The following ZER1 variants were observed in gnomAD, a reference collection of about 807,000 sequenced individuals.
ZER1 encodes the protein zyg-11 related cell cycle regulator.
ZER1 carries 11 observed loss-of-function variants against 78.8 expected under a neutral mutation model. The ratio of observed to expected loss-of-function variants is 0.14; its 90% confidence interval spans 0.09 to 0.23. The LOEUF is 0.23. Among genes scored for constraint, ZER1 ranks in the 10% least tolerant of loss-of-function variants. The pLI is 1.00. For synonymous variants in ZER1, 400 were observed against 407.0 expected, an observed-to-expected ratio of 0.98 and a Z score of 0.21; for missense variants, 588 against 996.9, an observed-to-expected ratio of 0.59 and a Z score of 5.52.
At chr9:128,734,509 T>A (rs1862992730) in intron 14 of ZER1, among the ~76,000 whole-genome samples, 1 of 151,728 alleles carries the variant, frequency 6.6e-6, no homozygotes. Flanking sequence ...ATTTTTTTTT[T>A]TTTAAGTAGA....
chr9:128,752,892 G>A (rs1275585461), intron 4 of ZER1, 43 bp from the exon 5 acceptor site: 3 of 1,582,078 alleles, frequency 1.9e-6, no homozygotes, highest in Non-Finnish European at 2.6e-6. Flanking sequence ...GCTGGGTACA[G>A]GGTGGGGCTG....
At chr9:128,769,275 C>A (rs973448745) in intron 1 of ZER1, among the ~76,000 whole-genome samples, 1 of 152,218 alleles carries the variant, frequency 6.6e-6, no homozygotes, top group Non-Finnish European at 1.5e-5. Flanking sequence ...ACATACATGC[C>A]CACATTCCTC....
chr9:128,736,458 A>G (rs965167113), intron 13 of ZER1, among the ~76,000 whole-genome samples: 6 of 149,476 alleles, frequency 4.0e-5, no homozygotes, highest in South Asian at 2.1e-4. Context: ...CAGTGGTGCA[A>G]TCTCGGCTCA....
chr9:128,746,229 A>G (rs978950580), intron 8 of ZER1: 2 of 152,212 alleles, frequency 1.3e-5, no homozygotes, highest in Non-Finnish European at 2.9e-5. Flanking sequence ...AGATAGATGC[A>G]TTTAGAATTT....
chr9:128,733,673 G>A, intron 14 of ZER1, 145 bp from the exon 15 acceptor site: 1 of 653,814 alleles, frequency 1.5e-6, no homozygotes, highest in South Asian at 2.1e-5. Context: ...TAGAAATGGG[G>A]GCAAGACGTG....
intron 14 of ZER1, among the ~76,000 whole-genome samples, chr9:128,733,955 C>A (rs1442373530): frequency 7.7e-6 from 1 of 130,556 alleles, no homozygotes; most frequent in East Asian, 2.3e-4. Flanking sequence ...CGGTGAAACC[C>A]CGTCTCTACT....
Position 128,740,263 on chromosome 9 carries a change from T to A in ZER1, c.1854-144A>T. 1 of 832,530 alleles carries A rather than the reference T, an allele frequency of 1.2e-6. No individual in the cohort carries two copies. The highest frequency in any genetic ancestry group is 1.9e-6 in the Non-Finnish European group (1 of 540,226). 51.6% of individuals were successfully genotyped at this position (832,530 alleles called of 1,614,324 possible). ...ATCGTCTATATACCCAGACTACTTCTAAAGGGATTTGAGGTCATTTAAGAT... is the reference window on the plus strand; with the variant it reads ...ATCGTCTATATACCCAGACTACTTCAAAAGGGATTTGAGGTCATTTAAGAT... On this transcript the variant is annotated intron_variant, in intron 12 of 15. Transcript: ENST00000291900. The surrounding 1 kb of genome is among the most constrained non-coding windows in gnomAD (Gnocchi z 4.4).
chr9:128,746,340 T>C (rs571231826), intron 8 of ZER1, among the ~76,000 whole-genome samples: 11 of 152,290 alleles, frequency 7.2e-5, no homozygotes, highest in African/African-American at 2.6e-4. Context: ...CAACACTGGG[T>C]ATCACCAAGC....
intron 1 of ZER1, among the ~76,000 whole-genome samples, chr9:128,761,241 C>A (rs560907402): frequency 1.3e-5 from 2 of 151,886 alleles, no homozygotes; most frequent in Admixed American, 1.3e-4. Context: ...TGAAGAAATG[C>A]TTAGTCCCAG....
Position 128,741,805 on chromosome 9 carries a change from T to C in ZER1, c.1612A>G (p.Lys538Glu). ...TTCGTGAAGACTTGACTTACTGTCT[T>C]GTCCAGCAGCTTCTTCTGAATCAGC... is the stretch of plus-strand genomic sequence containing the variant. ...LKLIQKKLLD[K>E]TCDQVMEFSW... The change falls in exon 10 of 16, where the codon AAG becomes GAG. Residue 538 changes from lysine (K) to glutamate (E), a missense_variant. Lys to Glu is a moderately conservative substitution (Grantham distance 56). Coordinates refer to ENST00000291900, the MANE Select transcript of ZER1 (RefSeq NM_006336.4). 1.9e-6 allele frequency: 3 copies of C among 1,614,184 alleles called. No homozygotes were observed. Among genetic ancestry groups the C allele is most frequent in the Non-Finnish European group, 1.7e-6 (2 of 1,180,024 alleles).
In ZER1 at chr9:128,740,621, G is replaced by A. The variant is rs922669890; in HGVS notation, c.1853+151C>T. The A allele has an allele frequency of 7.2e-6, 4 of 555,066 alleles. No individual in the cohort carries two copies. The highest frequency in any genetic ancestry group is 2.5e-5 in the South Asian group (1 of 39,794). 34.4% of individuals were successfully genotyped at this position (555,066 alleles called of 1,614,324 possible). ...ATATAATTACAAAAGGACCACTTAC[G>A]AAGGATTGAATGAATAAGAAACCAC... On this transcript the variant is annotated intron_variant, in intron 12 of 15. Coordinates refer to ENST00000291900, the MANE Select transcript of ZER1 (RefSeq NM_006336.4). This position sits in a 1 kb window ranked among gnomAD's most constrained non-coding sequence, Gnocchi z 4.4.
intron 14 of ZER1, 74 bp downstream of exon 14, chr9:128,735,260 G>T: frequency 7.3e-7 from 1 of 1,362,708 alleles, no homozygotes; most frequent in Non-Finnish European, 1.0e-6. Flanking sequence ...CCCCCTCCTG[G>T]ACTACAAACT....
intron 1 of ZER1, among the ~76,000 whole-genome samples, chr9:128,759,691 A>T (rs908005930): frequency 2.0e-5 from 3 of 150,674 alleles, no homozygotes; most frequent in African/African-American, 7.3e-5. Flanking sequence ...GCTACTTGGG[A>T]GGCTGAGGCA....
Position 128,740,942 on chromosome 9 carries a change from CT to C in ZER1, c.1738-56del. On this transcript the variant is annotated intron_variant, in intron 11 of 15. Coordinates refer to ENST00000291900, the MANE Select transcript of ZER1 (RefSeq NM_006336.4). The surrounding 1 kb of genome is among the most constrained non-coding windows in gnomAD (Gnocchi z 4.4). ...CAATTAGTACTTAATGACTTAGTAT[CT>C]GGTATTGTTAACCAAAAAGCTTCAT... is the stretch of plus-strand genomic sequence containing the variant. The C allele has an allele frequency of 1.3e-6, 1 of 763,720 alleles. No individual in the cohort carries two copies. The highest frequency in any genetic ancestry group is 1.4e-5 in the South Asian group (1 of 73,396). 47.3% of individuals were successfully genotyped at this position (763,720 alleles called of 1,614,324 possible). A position where few individuals can be genotyped will look rare whatever the true frequency, so the allele number is the denominator to read the frequency against.
chr9:128,771,013 AAAAAC>A (rs759435317), intron 1 of ZER1, among the ~76,000 whole-genome samples: 1 of 152,286 alleles, frequency 6.6e-6, no homozygotes, highest in African/African-American at 2.4e-5. Context: ...CTATTTAAAG[AAAAAC>A]AAAACAAAAC....
chr9:128,752,563 C>A, intron 5 of ZER1, 110 bp downstream of exon 5: 2 of 1,218,810 alleles, frequency 1.6e-6, no homozygotes, highest in African/African-American at 1.5e-5. Flanking sequence ...TCAAGTGATC[C>A]GCCCATCTTG....
intron 8 of ZER1, 48 bp downstream of exon 8, chr9:128,750,568 G>C: frequency 6.3e-7 from 1 of 1,598,386 alleles, no homozygotes; most frequent in Non-Finnish European, 8.6e-7. Flanking sequence ...AAGCAGGAAA[G>C]GGGTGGCTGG....
At position 128,742,515 on chromosome 9, in the gene ZER1, GC is replaced by G; in HGVS notation, c.1575+14del. ...TGAGGCTCAGGAGGAAGGGGGCAGC[GC>G]CCCCCACACGTACCACGACAAAGCC... On this transcript the variant is annotated intron_variant, in intron 9 of 15. Coordinates refer to ENST00000291900, the MANE Select transcript of ZER1 (RefSeq NM_006336.4). 1 of 1,613,066 alleles carries G rather than the reference GC, an allele frequency of 6.2e-7. No homozygotes were observed. Among genetic ancestry groups the G allele is most frequent in the Admixed American group, 1.7e-5 (1 of 60,024 alleles).
intron 1 of ZER1, among the ~76,000 whole-genome samples, chr9:128,760,886 G>A (rs1394340623): frequency 2.6e-5 from 4 of 151,714 alleles, no homozygotes; most frequent in Non-Finnish European, 5.9e-5. Flanking sequence ...TAGGCCAGGC[G>A]CGGTGGCTCA....
Sources: allele counts gnomAD v4.1 joint callset (sites outside exome capture counted in the v4.1 genomes callset), GRCh38; gene constraint gnomAD v4.1.1; non-coding constraint Gnocchi (gnomAD v3.1); transcripts MANE v1.5; gene names NCBI Gene and HGNC (gene_info 2026-07-23, HGNC 2026-07-21).